Variants in GRIN2A observed in about 807,000 individuals in gnomAD.
The protein encoded by GRIN2A is glutamate ionotropic receptor NMDA type subunit 2A, also known as glutamate receptor ionotropic, NMDA 2A.
In GRIN2A, 22 loss-of-function variants were observed where a neutral mutation model predicts 113.4. The ratio of observed to expected loss-of-function variants is 0.19; its 90% CI spans 0.14 to 0.28. The LOEUF (loss-of-function observed/expected upper bound fraction) is 0.28. Among genes scored for constraint, GRIN2A ranks in the 10% least tolerant of loss-of-function variants. The pLI is 1.00. For synonymous variants in GRIN2A, 827 were observed against 738.4 expected, an observed-to-expected ratio of 1.12 and a Z score of -1.94; for missense variants, 1,502 against 1,887.0, an observed-to-expected ratio of 0.80 and a Z score of 3.78.
intron 2 of GRIN2A, among the ~76,000 whole-genome samples, chr16:9,966,307 C>T (rs1032935800): frequency 6.6e-6 from 1 of 152,122 alleles, no homozygotes; most frequent in Non-Finnish European, 1.5e-5. Context: ...GTGTGTTTTT[C>T]CACTCTATGT....
intron 2 of GRIN2A, among the ~76,000 whole-genome samples, chr16:10,037,644 G>C (rs2047060257): frequency 1.3e-5 from 2 of 151,932 alleles, no homozygotes; most frequent in South Asian, 4.1e-4. Context: ...TTATTTTTTA[G>C]AGACAGGGTC....
chr16:9,990,364 A>C (rs1020061606), intron 2 of GRIN2A, among the ~76,000 whole-genome samples: 1 of 152,082 alleles, frequency 6.6e-6, no homozygotes, highest in Non-Finnish European at 1.5e-5. Context: ...GGAACAATAG[A>C]CATTGGGGAT....
intron 11 of GRIN2A, among the ~76,000 whole-genome samples, chr16:9,773,048 G>C (rs1901377063): frequency 6.6e-6 from 1 of 151,536 alleles, no homozygotes; most frequent in Non-Finnish European, 1.5e-5. Flanking sequence ...CTGAACTGTA[G>C]TTCAAATACT....
At chr16:9,996,068 G>C (rs1426757718) in intron 2 of GRIN2A, among the ~76,000 whole-genome samples, 1 of 144,074 alleles carries the variant, frequency 6.9e-6, no homozygotes, top group African/African-American at 2.5e-5. Context: ...AAAGAAGTAA[G>C]AGGGAAGAGA....
At chr16:10,078,318 G>A (rs1051958547) in intron 2 of GRIN2A, among the ~76,000 whole-genome samples, 4 of 151,858 alleles carry the variant, frequency 2.6e-5, no homozygotes, top group South Asian at 4.2e-4. Context: ...TGACAGCCTC[G>A]TCTGTTCCTC....
chr16:9,753,490 G>A lies in GRIN2A; in HGVS notation c.*9659C>T. ...ATTTACATTTTTACACCATATGACC[G>A]GGCACTTCTGTTGCCTCAGGAGTTA... On this transcript the variant is annotated 3_prime_UTR_variant, in exon 13 of 13. Coordinates refer to ENST00000330684, the MANE Select transcript of GRIN2A (RefSeq NM_001134407.3). 4.9e-6 allele frequency: 1 copy of A among 203,048 alleles called. No homozygotes were observed. The highest frequency in any genetic ancestry group is 1.0e-5 in the Non-Finnish European group (1 of 98,980). 12.6% of individuals were successfully genotyped at this position (203,048 alleles called of 1,614,324 possible).
At chr16:9,769,874 A>G (rs1901157279) in intron 11 of GRIN2A, among the ~76,000 whole-genome samples, 1 of 152,170 alleles carries the variant, frequency 6.6e-6, no homozygotes, top group South Asian at 2.1e-4. Context: ...AACATTCAGG[A>G]TTACTTAGAA....
intron 2 of GRIN2A, among the ~76,000 whole-genome samples, chr16:10,175,956 C>A (rs1256066015): frequency 6.6e-6 from 1 of 151,336 alleles, no homozygotes; most frequent in Non-Finnish European, 1.5e-5. Flanking sequence ...ACTTCATCTA[C>A]ATCGAGCATT....
intron 2 of GRIN2A, among the ~76,000 whole-genome samples, chr16:10,059,177 G>A (rs1471043111): frequency 1.3e-5 from 2 of 152,210 alleles, no homozygotes; most frequent in Non-Finnish European, 2.9e-5. Flanking sequence ...AGCTGCAGAT[G>A]TGCTGGGCCC....
At chr16:9,783,256 T>G (rs1902033473) in intron 11 of GRIN2A, among the ~76,000 whole-genome samples, 1 of 152,200 alleles carries the variant, frequency 6.6e-6, no homozygotes, top group Non-Finnish European at 1.5e-5. Context: ...CCCCGTGGTT[T>G]CACATGAGAC....
At chr16:10,113,244 C>A (rs2048657867) in intron 2 of GRIN2A, among the ~76,000 whole-genome samples, 1 of 152,078 alleles carries the variant, frequency 6.6e-6, no homozygotes, top group Admixed American at 6.5e-5. Flanking sequence ...CTGCCCCCAG[C>A]CCCCCCAGGA....
intron 3 of GRIN2A, among the ~76,000 whole-genome samples, chr16:9,926,976 A>G (rs890765046): frequency 2.6e-5 from 4 of 151,980 alleles, no homozygotes; most frequent in African/African-American, 9.7e-5. Flanking sequence ...CAGCCTCTGA[A>G]AGTCGTAACG....
At chr16:9,767,593 AACAC>A (rs1464623912) in intron 12 of GRIN2A, among the ~76,000 whole-genome samples, 7 of 152,098 alleles carry the variant, frequency 4.6e-5, no homozygotes, top group Non-Finnish European at 1.0e-4. Context: ...AACAAAAAAA[AACAC>A]AAACAAAACA....
At chr16:9,923,821 C>T (rs1367775722) in intron 3 of GRIN2A, among the ~76,000 whole-genome samples, 1 of 150,608 alleles carries the variant, frequency 6.6e-6, no homozygotes, top group African/African-American at 2.5e-5. Context: ...AAAATGATTT[C>T]ATTGTTTAAA....
chr16:10,054,410 A>C (rs1254434336), intron 2 of GRIN2A, among the ~76,000 whole-genome samples: 1 of 152,232 alleles, frequency 6.6e-6, no homozygotes, highest in Non-Finnish European at 1.5e-5. Context: ...ATTTAAAGAG[A>C]TATAAGAAGG....
At chr16:10,024,988 G>A (rs2046793208) in intron 2 of GRIN2A, among the ~76,000 whole-genome samples, 1 of 152,014 alleles carries the variant, frequency 6.6e-6, no homozygotes, top group Non-Finnish European at 1.5e-5. Context: ...ATGGAGATAA[G>A]TCATGGAAGA....
At chr16:9,793,565 A>C (rs534874088) in intron 11 of GRIN2A, among the ~76,000 whole-genome samples, 1 of 152,114 alleles carries the variant, frequency 6.6e-6, no homozygotes, top group African/African-American at 2.4e-5. Flanking sequence ...CTCAATAAAG[A>C]GTTGCTGGTT....
chr16:9,776,676 G>A (rs1445677568), intron 11 of GRIN2A, among the ~76,000 whole-genome samples: 2 of 152,118 alleles, frequency 1.3e-5, no homozygotes, highest in Non-Finnish European at 2.9e-5. Context: ...AAAGACGTCA[G>A]AAGGTTGTTG....
intron 10 of GRIN2A, among the ~76,000 whole-genome samples, chr16:9,814,196 T>A (rs749793757): frequency 2.0e-5 from 3 of 152,218 alleles, no homozygotes; most frequent in Non-Finnish European, 4.4e-5. Flanking sequence ...ATGTAATATC[T>A]AACTTTAGTT....
Sources: allele counts gnomAD v4.1 joint callset (sites outside exome capture counted in the v4.1 genomes callset), GRCh38; gene constraint gnomAD v4.1.1; transcripts MANE v1.5; gene names NCBI Gene and HGNC (gene_info 2026-07-23, HGNC 2026-07-21).